The following ARVCF variants were observed in gnomAD, a reference collection of about 807,000 sequenced individuals.
The protein encoded by ARVCF is splicing regulator ARVCF.
In ARVCF, 66 loss-of-function variants were observed where a neutral mutation model predicts 90.9. The ratio of observed to expected loss-of-function variants is 0.73; its 90% CI spans 0.60 to 0.89. The LOEUF (loss-of-function observed/expected upper bound fraction) is 0.89, where lower values mean the gene tolerates loss of function less well. Among genes scored for constraint, ARVCF ranks in the 40% least tolerant of loss-of-function variants. The pLI is 0.00. For synonymous variants in ARVCF, 653 were observed against 603.4 expected (o/e 1.08, Z -1.21); for missense variants, 1,469 against 1,382.3 (o/e 1.06, Z -1.00).
intron 6 of ARVCF, chr22:19,979,491 T>G: frequency 1.7e-6 from 1 of 592,682 alleles, no homozygotes; most frequent in Non-Finnish European, 2.9e-6. Context: ...GGGCAGGAGG[T>G]GTGAAGGCAG....
At chr22:19,993,803 G>C (rs952906355) in intron 2 of ARVCF, among the ~76,000 whole-genome samples, 3 of 152,234 alleles carry the variant, frequency 2.0e-5, no homozygotes, top group African/African-American at 7.2e-5. Context: ...GGAACTGAAG[G>C]GGGGCTGGAA....
In ARVCF at chr22:19,973,179, T is replaced by C. The variant is rs754841244; in HGVS notation, c.2378A>G (p.Asn793Ser). The change falls in exon 14 of 20, where the codon AAC becomes AGC. Residue 793 changes from asparagine to serine, a missense_variant. Transcript: ENST00000263207. ...GCGTGCCTGCAGGAGCGAGCGCGCG[T>C]TATCCAGGCTGTCGGACACGATTTC... ...IHEIVSDSLD[N>S]ARSLLQARGV... The C allele has an allele frequency of 1.2e-5, 19 of 1,609,936 alleles. No individual in the cohort carries two copies. The East Asian group carries it at 4.3e-4, about 36-fold the overall frequency.
chr22:20,000,236 G>A (rs1429105502), intron 2 of ARVCF, among the ~76,000 whole-genome samples: 10 of 152,180 alleles, frequency 6.6e-5, no homozygotes, highest in Non-Finnish European at 1.5e-4. Context: ...GTGGCCTCTG[G>A]CCAGAGCTGG....
At chr22:19,975,047 C>T (rs188265920) in intron 11 of ARVCF, among the ~76,000 whole-genome samples, 6 of 152,312 alleles carry the variant, frequency 3.9e-5, no homozygotes, top group Admixed American at 3.9e-4. Flanking sequence ...TCTACTCCTG[C>T]CCTGCTGGGC....
At chr22:19,972,226 C>A in intron 17 of ARVCF, 132 bp downstream of exon 17, 3 of 1,267,260 alleles carry the variant, frequency 2.4e-6, no homozygotes, top group Admixed American at 2.0e-5. Context: ...TGTACCTCAC[C>A]CTCTAAGCAC....
chr22:19,973,151 C>A lies in ARVCF; in HGVS notation c.2406G>T (p.Gly802=). The change falls in exon 14 of 20, where the codon GGG becomes GGT. Residue 802 remains glycine, a synonymous_variant. Coordinates refer to ENST00000263207, the MANE Select transcript of ARVCF (RefSeq NM_001670.3). ...CCACGAGAGCCACCAACGCTGGCACCCCGCGTGCCTGCAGGAGCGAGCGCG... is the reference window on the plus strand; with the variant it reads ...CCACGAGAGCCACCAACGCTGGCACACCGCGTGCCTGCAGGAGCGAGCGCG... The part of the protein sequence containing the change: ...DNARSLLQAR[G]VPALVALVAS... 6 of 1,609,708 alleles carry A rather than the reference C, an allele frequency of 3.7e-6. No homozygotes were observed. Among genetic ancestry groups the A allele is most frequent in the Non-Finnish European group, 5.1e-6 (6 of 1,178,678 alleles).
At chr22:19,971,458 G>A in intron 18 of ARVCF, 123 bp from the exon 19 acceptor site, 3 of 1,228,954 alleles carry the variant, frequency 2.4e-6, no homozygotes, top group South Asian at 1.6e-5. Flanking sequence ...GACAGCACAG[G>A]TAGCACCAAG....
At chr22:19,997,966 G>A (rs1271082146) in intron 2 of ARVCF, among the ~76,000 whole-genome samples, 2 of 152,230 alleles carry the variant, frequency 1.3e-5, no homozygotes, top group African/African-American at 4.8e-5. Flanking sequence ...AAAAGGCCCA[G>A]ACATGGAGCT....
At position 19,979,790 on chromosome 22, in the gene ARVCF, C is replaced by A; in HGVS notation, c.1349G>T (p.Arg450Leu). The A allele has an allele frequency of 1.2e-6, 2 of 1,608,312 alleles. No individual in the cohort carries two copies. Among genetic ancestry groups the A allele is most frequent in the South Asian group, 1.1e-5 (1 of 90,390 alleles). The change falls in exon 6 of 20, where the codon CGC becomes CTC. Residue 450 changes from arginine to leucine, a missense_variant. Coordinates refer to ENST00000263207, the MANE Select transcript of ARVCF (RefSeq NM_001670.3). The part of the protein sequence containing the change: ...RDCGGVPALV[R>L]LLRAARDNEV... ...GTTGTCCCGGGCAGCCCTCAGCAGG[C>A]GCACCAGGGCAGGCACACCACCGCA... is the stretch of plus-strand genomic sequence containing the variant.
chr22:20,015,169 G>T (rs1037247428), intron 1 of ARVCF, among the ~76,000 whole-genome samples: 4 of 152,206 alleles, frequency 2.6e-5, no homozygotes, highest in Non-Finnish European at 5.9e-5. Flanking sequence ...AGCTGGGCAG[G>T]GGCTGGCTTG....
intron 11 of ARVCF, 64 bp downstream of exon 11, chr22:19,975,622 C>T: frequency 6.3e-7 from 1 of 1,591,698 alleles, no homozygotes; most frequent in South Asian, 1.1e-5. Flanking sequence ...CAAAGCTTCA[C>T]TACCAGGGCA....
downstream of ARVCF, among the ~76,000 whole-genome samples, chr22:19,966,186 A>T (rs557457134): frequency 6.6e-6 from 1 of 152,330 alleles, no homozygotes; most frequent in African/African-American, 2.4e-5. Context: ...TGTCCTTGTT[A>T]AACGCACATC....
downstream of ARVCF, chr22:19,967,241 G>C: frequency 7.7e-7 from 1 of 1,300,376 alleles, no homozygotes; most frequent in Non-Finnish European, 1.0e-6. Flanking sequence ...TGAGTCCCCT[G>C]GCGCAACCCG....
chr22:19,977,562 T>C lies in ARVCF; in HGVS notation c.1723A>G (p.Met575Val). 2 of 1,561,798 alleles carry C rather than the reference T, an allele frequency of 1.3e-6. No homozygotes were observed. Among genetic ancestry groups the C allele is most frequent in the Admixed American group, 1.9e-5 (1 of 51,406 alleles). The change falls in exon 9 of 20, where the codon ATG becomes GTG. Residue 575 changes from methionine to valine, a missense_variant. Met to Val is a conservative substitution (Grantham distance 21). Coordinates refer to ENST00000263207, the MANE Select transcript of ARVCF (RefSeq NM_001670.3). ...TGCACGTGGTAGGACAGGTTCCGCA[T>C]GATGCACACGCAGTTCTCCACCGAC... ...NKSVENCVCI[M>V]RNLSYHVHKE... is the part of the protein sequence containing the mutation.
Position 19,980,168 on chromosome 22 carries a change from G to A in ARVCF, c.971C>T (p.Pro324Leu), listed in dbSNP as rs778444959. 16 of 1,579,956 alleles carry A rather than the reference G, an allele frequency of 1.0e-5. No homozygotes were observed. The East Asian group carries it at 2.9e-4, about 29-fold the overall frequency. The change falls in exon 6 of 20, where the codon CCC (proline) becomes CTC (leucine). Residue 324 changes from proline (P) to leucine (L), a missense_variant. Transcript: ENST00000263207. ...ERPAFPMVTAPLAQPERGSMG... is the reference protein window; with the variant it reads ...ERPAFPMVTALLAQPERGSMG... The stretch of plus-strand genomic sequence containing the variant: ...GCTGCCCCGTTCAGGCTGGGCCAGG[G>A]GCGCCGTCACCATTGGGAACGCAGG...
rs187540771 is a variant in ARVCF at position 19,978,655 on chromosome 22, C to G, written c.1580+242G>C. 2.2e-3 allele frequency among the ~76,000 whole-genome samples: 337 copies of G among 152,228 alleles called. 1 individual carries two copies. The highest frequency in any genetic ancestry group is 4.1e-3 in the Non-Finnish European group (282 of 67,980). ...CAAGTGATGGGAAGGTAGGTGAGAGCTGGGCAGGGCTACGGTACCACAGAG... is the reference window on the plus strand; with the variant it reads ...CAAGTGATGGGAAGGTAGGTGAGAGGTGGGCAGGGCTACGGTACCACAGAG... On this transcript the variant is annotated intron_variant, in intron 7 of 19. Coordinates refer to ENST00000263207, the MANE Select transcript of ARVCF (RefSeq NM_001670.3).
intron 2 of ARVCF, among the ~76,000 whole-genome samples, chr22:20,002,635 A>G (rs1357909827): frequency 6.6e-6 from 1 of 152,184 alleles, no homozygotes. Context: ...TTAAGAACCA[A>G]AAGAAGAGAA....
intron 1 of ARVCF, among the ~76,000 whole-genome samples, chr22:20,014,763 A>C (rs1944961875): frequency 6.6e-6 from 1 of 152,134 alleles, no homozygotes; most frequent in Non-Finnish European, 1.5e-5. Flanking sequence ...CCGTGTGCAG[A>C]GCTCCCTGCT....
At chr22:19,998,764 C>T (rs988365943) in intron 2 of ARVCF, among the ~76,000 whole-genome samples, 8 of 152,164 alleles carry the variant, frequency 5.3e-5, no homozygotes, top group African/African-American at 1.4e-4. Flanking sequence ...GGAAGTCCTC[C>T]GTGGGAGGGC....
Sources: allele counts gnomAD v4.1 joint callset (sites outside exome capture counted in the v4.1 genomes callset), GRCh38; gene constraint gnomAD v4.1.1; transcripts MANE v1.5; gene names NCBI Gene and HGNC (gene_info 2026-07-23, HGNC 2026-07-21).